Variants in MC2R observed in about 807,000 individuals in gnomAD.
MC2R encodes melanocortin 2 receptor.
MC2R carries 9 observed loss-of-function variants against 9.8 expected under a neutral mutation model. That is an observed-to-expected ratio of 0.92 (90% CI 0.55 to 1.60). The LOEUF is 1.60. Ranked by LOEUF, MC2R falls within the 40% of genes most tolerant of loss-of-function variation. The pLI is 0.00. For synonymous variants in MC2R, 185 were observed against 154.7 expected (o/e 1.20, Z -1.45); for missense variants, 370 against 389.0 (o/e 0.95, Z 0.41).
intron 1 of MC2R, among the ~76,000 whole-genome samples, chr18:13,914,318 C>T (rs2045463824): frequency 6.6e-6 from 1 of 152,202 alleles, no homozygotes; most frequent in Admixed American, 6.5e-5. Context: ...TGTCTGGGAG[C>T]TAGTGTGAAG....
chr18:13,914,884 T>G (rs190765015), intron 1 of MC2R, among the ~76,000 whole-genome samples: 26 of 152,334 alleles, frequency 1.7e-4, no homozygotes, highest in African/African-American at 6.3e-4. Flanking sequence ...ATAATCAGTA[T>G]GCTTTTAGTT....
At chr18:13,902,220 A>C (rs898122509) in intron 1 of MC2R, among the ~76,000 whole-genome samples, 1 of 152,170 alleles carries the variant, frequency 6.6e-6, no homozygotes, top group Non-Finnish European at 1.5e-5. Context: ...TAAAACCATC[A>C]AAAAAACTGG....
At position 13,884,765 on chromosome 18, in the gene MC2R, C is replaced by T. The variant is rs554966392; in HGVS notation, c.754G>A (p.Ala252Thr). 1.6e-4 allele frequency: 251 copies of T among 1,613,968 alleles called. 2 individuals carry two copies. In the East Asian group the frequency reaches 3.3e-3, roughly 21 times the overall value. Residue 252 changes from alanine to threonine, a missense_variant, in exon 2 of 2, where the codon GCC becomes ACC. By Grantham distance (58) the Ala-to-Thr change is moderately conservative. Coordinates refer to ENST00000327606, the MANE Select transcript of MC2R (RefSeq NM_000529.2). ...MTFCPSNPYC[A>T]CYMSLFQVNG... The stretch of plus-strand genomic sequence containing the variant: ...ACCTGGAAGAGAGACATGTAGCAGG[C>T]GCAGTAGGGGTTACTTGGGCAGAAT...
intron 1 of MC2R, among the ~76,000 whole-genome samples, chr18:13,905,986 T>C (rs2045411951): frequency 6.6e-6 from 1 of 152,142 alleles, no homozygotes; most frequent in African/African-American, 2.4e-5. Context: ...AATCCTTGTC[T>C]TGTTCCAGAT....
At position 13,884,995 on chromosome 18, in the gene MC2R, A is replaced by G. The variant is rs886053651; in HGVS notation, c.524T>C (p.Val175Ala). Residue 175 changes from valine (V) to alanine (A), a missense_variant, in exon 2 of 2, where the codon GTG becomes GCG. Val to Ala is a moderately conservative substitution (Grantham distance 64). Transcript: ENST00000327606. Reference protein sequence around the residue: ...MVIFSHHVPTVITFTSLFPLM... With the variant: ...MVIFSHHVPTAITFTSLFPLM... ...CGGGAACAGCGACGTGAAGGTGATCACTGTGGGCACATGATGGGAGAAGAT... is the reference window on the plus strand; with the variant it reads ...CGGGAACAGCGACGTGAAGGTGATCGCTGTGGGCACATGATGGGAGAAGAT... The G allele has an allele frequency of 1.2e-6, 2 of 1,614,152 alleles. No individual in the cohort carries two copies. Among genetic ancestry groups the G allele is most frequent in the Non-Finnish European group, 1.7e-6 (2 of 1,180,022 alleles).
intron 1 of MC2R, among the ~76,000 whole-genome samples, chr18:13,914,756 G>A (rs1713673510): frequency 6.6e-6 from 1 of 152,156 alleles, no homozygotes; most frequent in South Asian, 2.1e-4. Context: ...CGAATGCCTG[G>A]GCCTCTTTTC....
At chr18:13,899,497 A>T (rs35293761) in intron 1 of MC2R, among the ~76,000 whole-genome samples, 1 of 152,124 alleles carries the variant, frequency 6.6e-6, no homozygotes, top group Non-Finnish European at 1.5e-5. Context: ...GAAAGATACC[A>T]ATATGGAAGT....
intron 1 of MC2R, among the ~76,000 whole-genome samples, chr18:13,907,726 A>G (rs148773588): frequency 6.5e-4 from 99 of 152,374 alleles, no homozygotes; most frequent in African/African-American, 2.3e-3. Context: ...AAATATCTGC[A>G]CAGACTTTGC....
At chr18:13,892,690 A>G (rs1276672760) in intron 1 of MC2R, among the ~76,000 whole-genome samples, 2 of 152,094 alleles carry the variant, frequency 1.3e-5, no homozygotes, top group South Asian at 2.1e-4. Flanking sequence ...TTGACACCCC[A>G]TGGTTCAGTC....
chr18:13,905,639 C>G (rs2045409638), intron 1 of MC2R, among the ~76,000 whole-genome samples: 1 of 152,160 alleles, frequency 6.6e-6, no homozygotes, highest in Non-Finnish European at 1.5e-5. Context: ...CACTTTTACA[C>G]TGTTGGTGGG....
At chr18:13,896,601 T>C (rs917880637) in intron 1 of MC2R, among the ~76,000 whole-genome samples, 23 of 152,194 alleles carry the variant, frequency 1.5e-4, no homozygotes, top group African/African-American at 5.5e-4. Flanking sequence ...TTATTCAAAA[T>C]CCAGGTAGCA....
At chr18:13,889,697 T>A (rs114291443) in intron 1 of MC2R, among the ~76,000 whole-genome samples, 216 of 148,514 alleles carry the variant, frequency 1.5e-3, no homozygotes, top group African/African-American at 5.6e-3. Context: ...CCAAAAAAAA[T>A]ATATATAGTT....
rs143259998 is a variant in MC2R at position 13,885,236 on chromosome 18, G to A, written c.283C>T (p.Arg95Cys). 92 of 1,614,136 alleles carry A rather than the reference G, an allele frequency of 5.7e-5. No individual in the cohort carries two copies. The highest frequency in any genetic ancestry group is 6.7e-5 in the African/African-American group (5 of 75,036). ...TCGGCTGTGGTTTCAAAACTGCCACGTGGCTTGAGATAGCCCATGTTTCTC... is the reference window on the plus strand; with the variant it reads ...TCGGCTGTGGTTTCAAAACTGCCACATGGCTTGAGATAGCCCATGTTTCTC... ...ILRNMGYLKP[R>C]GSFETTADDI... The change falls in exon 2 of 2, where the codon CGT (arginine) becomes TGT (cysteine). Residue 95 changes from arginine to cysteine, a missense_variant. Transcript: ENST00000327606.
At chr18:13,902,946 C>T (rs1338934505) in intron 1 of MC2R, among the ~76,000 whole-genome samples, 19 of 152,126 alleles carry the variant, frequency 1.2e-4, no homozygotes, top group Non-Finnish European at 2.9e-5. Context: ...ACCTATCTGA[C>T]AAGGGATTAA....
intron 1 of MC2R, among the ~76,000 whole-genome samples, chr18:13,888,337 G>C (rs1598460970): frequency 6.6e-6 from 1 of 152,298 alleles, no homozygotes; most frequent in Middle Eastern, 3.4e-3. Context: ...CCAAGCTGGT[G>C]GTGGGGGCTG....
chr18:13,913,292 A>G (rs1364866778), intron 1 of MC2R, among the ~76,000 whole-genome samples: 4 of 152,188 alleles, frequency 2.6e-5, no homozygotes, highest in Non-Finnish European at 5.9e-5. Context: ...TTCACTGCTC[A>G]TGGCAGGCTT....
At chr18:13,910,081 G>A (rs751826545) in intron 1 of MC2R, among the ~76,000 whole-genome samples, 14 of 152,098 alleles carry the variant, frequency 9.2e-5, no homozygotes, top group South Asian at 6.2e-4. Context: ...ATCATTTGGC[G>A]TTAAGTTTTT....
At chr18:13,904,690 A>T (rs1352169852) in intron 1 of MC2R, among the ~76,000 whole-genome samples, 2 of 151,690 alleles carry the variant, frequency 1.3e-5, no homozygotes, top group Non-Finnish European at 2.9e-5. Context: ...TACTGGTACC[A>T]AAACAGACTT....
intron 1 of MC2R, among the ~76,000 whole-genome samples, chr18:13,909,409 T>G (rs1349093432): frequency 6.6e-6 from 1 of 152,202 alleles, no homozygotes; most frequent in African/African-American, 2.4e-5. Context: ...TCCTGCACAC[T>G]GTTTCCATAA....
Sources: gnomAD v4.1 joint callset for allele counts (sites outside exome capture counted in the v4.1 genomes callset) on GRCh38, gnomAD v4.1.1 for gene constraint, MANE v1.5 for transcripts, NCBI Gene and HGNC (gene_info 2026-07-23, HGNC 2026-07-21) for gene names.